Variants in UGT1A4 observed in about 807,000 individuals in gnomAD.
UGT1A4 encodes the protein UDP-glucuronosyltransferase 1A4.
Under a neutral mutation model 41.1 loss-of-function variants are expected in UGT1A4, and 32 were observed. The observed-to-expected ratio is 0.78, with a 90% CI of 0.59 to 1.05. UGT1A4 has a LOEUF of 1.05. Ranked by LOEUF, UGT1A4 falls within the 50% of genes least tolerant of loss-of-function variation. UGT1A4 has a pLI of 0.00. For missense variants in UGT1A4, 748 were observed against 677.4 expected, an observed-to-expected ratio of 1.10 and a Z score of -1.16; for synonymous variants, 283 against 265.1, an observed-to-expected ratio of 1.07 and a Z score of -0.66.
intron 1 of UGT1A4, chr2:233,744,073 C>T (rs1340911345): frequency 3.6e-5 from 17 of 475,584 alleles, no homozygotes; most frequent in South Asian, 1.4e-4. Flanking sequence ...ATGAGCGCCT[C>T]GCATCCCAAG....
rs186476397 is a variant in UGT1A4, at chr2:233,730,211, C to T, written c.867+10524C>T. Among the ~76,000 whole-genome samples the T allele has an allele frequency of 1.1e-3, 161 of 152,112 alleles. 1 individual carries two copies. The highest frequency in any genetic ancestry group is 3.7e-3 in the African/African-American group (152 of 41,476). On this transcript the variant is annotated intron_variant, in intron 1 of 4. Coordinates refer to ENST00000373409, the MANE Select transcript of UGT1A4 (RefSeq NM_007120.3). ...CACTGAGAGGAAGAGGAAGTAGACA[C>T]GAATGTTTGTAAAAGGATGGACAAG...
chr2:233,769,841 G>A lies in UGT1A4; in HGVS notation c.1307+1402G>A. On this transcript the variant is annotated intron_variant, in intron 4 of 4. Transcript: ENST00000373409. The surrounding 1 kb of genome is among the most constrained non-coding windows in gnomAD (Gnocchi z 4.4). ...CTGCACTCCAGCAACCTGGGCAACAGAGTGAGACCCTGTCTCAAAAAAAAA... is the reference window on the plus strand; with the variant it reads ...CTGCACTCCAGCAACCTGGGCAACAAAGTGAGACCCTGTCTCAAAAAAAAA... 1.8e-6 allele frequency: 1 copy of A among 550,094 alleles called. No individual in the cohort carries two copies. Among genetic ancestry groups the A allele is most frequent in the Non-Finnish European group, 2.8e-6 (1 of 353,910 alleles). The allele number at this position is 550,094 out of a possible 1,614,324, so 34.1% of individuals were successfully genotyped here.
intron 1 of UGT1A4, chr2:233,743,982 C>G (rs6735370): frequency 4.6e-6 from 6 of 1,297,000 alleles, no homozygotes; most frequent in East Asian, 9.6e-5. Flanking sequence ...AGCACCCAGG[C>G]GCAGGCCCGA....
chr2:233,726,096 G>T (rs1250649132), intron 1 of UGT1A4, among the ~76,000 whole-genome samples: 3 of 152,168 alleles, frequency 2.0e-5, no homozygotes, highest in African/African-American at 7.2e-5. Flanking sequence ...ATCCGAGGAG[G>T]TGGAGGCTGC....
In UGT1A4 at chr2:233,739,453, T is replaced by C. The variant is rs547322370; in HGVS notation, c.867+19766T>C. On this transcript the variant is annotated intron_variant, in intron 1 of 4. Transcript: ENST00000373409. ...GGCTTTACCCTGCAAAGCCACAGGG[T>C]TGGAGCTGCCTGAGACCGTGGGAGC... 3.9e-5 allele frequency among the ~76,000 whole-genome samples: 6 copies of C among 152,290 alleles called. No homozygotes were observed. The East Asian group carries it at 5.8e-4, about 15-fold the overall frequency.
intron 1 of UGT1A4, among the ~76,000 whole-genome samples, chr2:233,735,497 T>A (rs1029127614): frequency 3.9e-5 from 6 of 152,204 alleles, no homozygotes; most frequent in African/African-American, 1.4e-4. Flanking sequence ...ATTGCAGCAT[T>A]TAGCCCATTT....
chr2:233,725,125 G>C (rs1256400023), intron 1 of UGT1A4, among the ~76,000 whole-genome samples: 1 of 138,156 alleles, frequency 7.2e-6, no homozygotes, highest in Non-Finnish European at 1.5e-5. Context: ...GCAGTGAGCC[G>C]AGATGGCAGC....
Position 233,759,383 on chromosome 2 carries a change from T to C in UGT1A4, c.868-7651T>C, listed in dbSNP as rs370369012. Among the ~76,000 whole-genome samples, 14 of 152,308 alleles carry C rather than the reference T, an allele frequency of 9.2e-5. No homozygotes were observed. The East Asian group carries it at 2.7e-3, about 29-fold the overall frequency. ...TATAAAAAGGTACAGGTTTTCAGGA[T>C]ACTCAGAGTAACCGTGTGACCTGTA... On this transcript the variant is annotated intron_variant, in intron 1 of 4. Coordinates refer to ENST00000373409, the MANE Select transcript of UGT1A4 (RefSeq NM_007120.3).
At chr2:233,724,521 G>A (rs2077274560) in intron 1 of UGT1A4, among the ~76,000 whole-genome samples, 2 of 124,734 alleles carry the variant, frequency 1.6e-5, no homozygotes, top group Middle Eastern at 4.5e-3. Context: ...CCTCCCAGAT[G>A]GGGTCTCGCC....
chr2:233,772,326 C>A lies in UGT1A4; in HGVS notation c.1372C>A (p.Leu458Met), dbSNP rs767264478. ...HKDRPVEPLDLAVFWVEFVMR... is the reference protein window; with the variant it reads ...HKDRPVEPLDMAVFWVEFVMR... The stretch of plus-strand genomic sequence containing the variant: ...GGACCGCCCGGTGGAGCCGCTGGAC[C>A]TGGCCGTGTTCTGGGTGGAGTTTGT... The change falls in exon 5 of 5, where the codon CTG becomes ATG. Residue 458 changes from leucine (L) to methionine (M), a missense_variant. Coordinates refer to ENST00000373409, the MANE Select transcript of UGT1A4 (RefSeq NM_007120.3). 1 of 1,614,166 alleles carries A rather than the reference C, an allele frequency of 6.2e-7. No homozygotes were observed. The highest frequency in any genetic ancestry group is 8.5e-7 in the Non-Finnish European group (1 of 1,180,028).
At chr2:233,729,130 G>T (rs1021127658) in intron 1 of UGT1A4, 3 of 1,613,064 alleles carry the variant, frequency 1.9e-6, no homozygotes, top group Admixed American at 3.3e-5. Context: ...TGCTGAGATG[G>T]CCACAGGACT....
intron 1 of UGT1A4, among the ~76,000 whole-genome samples, chr2:233,762,481 T>C (rs948381917): frequency 6.6e-6 from 1 of 152,238 alleles, no homozygotes; most frequent in African/African-American, 2.4e-5. Context: ...ATCACTCCAG[T>C]TTTAAATGCT....
In UGT1A4 at chr2:233,729,061, T is replaced by C. The variant is rs3806596; in HGVS notation, c.867+9374T>C. On this transcript the variant is annotated intron_variant, in intron 1 of 4. Transcript: ENST00000373409. ...TGGCTCAGTGACAAGGTAATTAAGA[T>C]GAAGAAAGCAAATGTAGCAGGCACA... The C allele has an allele frequency of 0.47, 753,810 of 1,610,256 alleles. 184,343 individuals are homozygous for C. Among genetic ancestry groups the C allele is most frequent in the African/African-American group, 0.83 (61,848 of 74,960 alleles).
intron 1 of UGT1A4, among the ~76,000 whole-genome samples, chr2:233,724,331 G>A (rs1366026275): frequency 6.4e-5 from 9 of 139,780 alleles, no homozygotes; most frequent in East Asian, 2.2e-4. Flanking sequence ...CTGGCCAGGC[G>A]GGGGGCTGAC....
chr2:233,747,949 T>G lies in UGT1A4; in HGVS notation c.868-19085T>G. ...CTTTTTCAGAGGGAGGTGTCAGTGG[T>G]GGATCTTCTCAGCCATGCATCTGTG... is the stretch of plus-strand genomic sequence containing the variant. On this transcript the variant is annotated intron_variant, in intron 1 of 4. Transcript: ENST00000373409. 2.5e-6 allele frequency: 4 copies of G among 1,613,408 alleles called. No individual in the cohort carries two copies. In the South Asian group the frequency reaches 4.4e-5, roughly 18 times the overall value.
chr2:233,719,435 G>A lies in UGT1A4; in HGVS notation c.615G>A (p.Met205Ile), dbSNP rs2076765581. 1 of 1,613,916 alleles carries A rather than the reference G, an allele frequency of 6.2e-7. No homozygotes were observed. The highest frequency in any genetic ancestry group is 2.2e-5 in the East Asian group (1 of 44,878). The stretch of plus-strand genomic sequence containing the variant: ...TACTAACGACCAATTCAGACCACAT[G>A]ACATTCCTGCAAAGGGTCAAGAACA... ...PKLLTTNSDH[M>I]TFLQRVKNML... Residue 205 changes from methionine (M) to isoleucine (I), a missense_variant, in exon 1 of 5, where the codon ATG (methionine) becomes ATA (isoleucine). Physicochemically the swap from Met to Ile is conservative, Grantham distance 10. Transcript: ENST00000373409.
chr2:233,760,521 G>T, intron 1 of UGT1A4: 1 of 1,614,238 alleles, frequency 6.2e-7, no homozygotes, highest in South Asian at 1.1e-5. Context: ...CCTTGAAGAC[G>T]TACCCTGTGC....
At chr2:233,750,066 G>A (rs12987866) in intron 1 of UGT1A4, among the ~76,000 whole-genome samples, 28,360 of 151,834 alleles carry the variant, frequency 0.19, 3,511 homozygotes, top group South Asian at 0.3. Flanking sequence ...TTTGGAACTG[G>A]GTAACAGGCA....
intron 4 of UGT1A4, 43 bp from the exon 5 acceptor site, chr2:233,772,219 A>G (rs1474444531): frequency 6.2e-7 from 1 of 1,612,704 alleles, no homozygotes; most frequent in East Asian, 2.2e-5. Context: ...GATTGTTCAT[A>G]CCACAGGTGT....
Sources: allele counts gnomAD v4.1 joint callset (sites outside exome capture counted in the v4.1 genomes callset), GRCh38; gene constraint gnomAD v4.1.1; non-coding constraint Gnocchi (gnomAD v3.1); transcripts MANE v1.5; gene names NCBI Gene and HGNC (gene_info 2026-07-23, HGNC 2026-07-21).